PKHD1L1: variants seen among roughly 807,000 people sequenced by gnomAD.
PKHD1L1 encodes fibrocystin-L.
Under a neutral mutation model 462.9 loss-of-function variants are expected in PKHD1L1, and 434 were observed. The ratio of observed to expected loss-of-function variants is 0.94; its 90% CI spans 0.87 to 1.02. The LOEUF (loss-of-function observed/expected upper bound fraction) is 1.02, where lower values mean the gene tolerates loss of function less well. PKHD1L1 is among the 50% of genes least tolerant of loss of function. The pLI is 0.00. For synonymous variants in PKHD1L1, 1,781 were observed against 1,750.0 expected, an observed-to-expected ratio of 1.02 and a Z score of -0.44; for missense variants, 5,202 against 5,096.1, an observed-to-expected ratio of 1.02 and a Z score of -0.63.
intron 11 of PKHD1L1, 65 bp downstream of exon 11, chr8:109,396,202 T>C (rs565089747): frequency 1.7e-5 from 19 of 1,101,992 alleles, no homozygotes; most frequent in East Asian, 2.6e-5. Context: ...TTTAATAATT[T>C]GTAATAATAA....
Position 109,404,987 on chromosome 8 carries a change from GA to G in PKHD1L1, c.1534-4del. On this transcript the variant is annotated splice_region_variant and splice_polypyrimidine_tract_variant and intron_variant, in intron 15 of 77. Transcript: ENST00000378402. ...ATATATTAAAAATGTTTCTTAATTG[GA>G]AAATAGGTTATAACATTGGAAAACT... 6.9e-7 allele frequency: 1 copy of G among 1,452,596 alleles called. No homozygotes were observed. Among genetic ancestry groups the G allele is most frequent in the Non-Finnish European group, 9.2e-7 (1 of 1,090,968 alleles). 90.0% of individuals were successfully genotyped at this position (1,452,596 alleles called of 1,614,324 possible).
At position 109,435,210 on chromosome 8, in the gene PKHD1L1, AT is replaced by A; in HGVS notation, c.3363del (p.Leu1122Ter). 6.2e-7 allele frequency: 1 copy of A among 1,613,580 alleles called. No homozygotes were observed. The highest frequency in any genetic ancestry group is 1.1e-5 in the South Asian group (1 of 91,008). On this transcript the variant is annotated frameshift_variant, in exon 29 of 78. Transcript: ENST00000378402. LOFTEE classifies it high-confidence loss of function. ...ACAAGAAAAAGAGCTCAAGTGCCAGATTCTGAATGGAAGTGCTGGACATGCC... is the reference window on the plus strand; with the variant it reads ...ACAAGAAAAAGAGCTCAAGTGCCAGATCTGAATGGAAGTGCTGGACATGCC... ...SVDEKELKCQ[I>X]LNGSAGHAPV... is the part of the protein sequence containing the mutation.
intron 7 of PKHD1L1, among the ~76,000 whole-genome samples, chr8:109,388,819 G>A (rs1352029343): frequency 6.6e-6 from 1 of 152,010 alleles, no homozygotes; most frequent in Non-Finnish European, 1.5e-5. Context: ...ATTTCATTTG[G>A]CAGTATCTCA....
At chr8:109,387,735 T>C (rs1369223905) in intron 6 of PKHD1L1, among the ~76,000 whole-genome samples, 1 of 152,216 alleles carries the variant, frequency 6.6e-6, no homozygotes, top group Non-Finnish European at 1.5e-5. Context: ...AAAAGTATAT[T>C]AAAAAGTTCA....
Position 109,410,726 on chromosome 8 carries a change from C to CTTTTTTTTTTTTTTTTTTTTT in PKHD1L1, c.2085+749_2085+769dup, listed in dbSNP as rs71303459. 5.7e-4 allele frequency among the ~76,000 whole-genome samples: 39 copies of CTTTTTTTTTTTTTTTTTTTTT among 68,390 alleles called. 7 individuals are homozygous for CTTTTTTTTTTTTTTTTTTTTT. Among genetic ancestry groups the CTTTTTTTTTTTTTTTTTTTTT allele is most frequent in the African/African-American group, 2.6e-3 (32 of 12,266 alleles). The allele number at this position is 68,390 out of a possible 152,430, so 44.9% of individuals were successfully genotyped here. On this transcript the variant is annotated intron_variant, in intron 19 of 77. Transcript: ENST00000378402. ...TTCTTTTTTCTTTTCTTTTCTTTTT[C>CTTTTTTTTTTTTTTTTTTTTT]TTTTTTTTTTTTTTTTTTTTTGAGA...
chr8:109,516,482 C>T (rs188763198), intron 72 of PKHD1L1, among the ~76,000 whole-genome samples: 136 of 152,154 alleles, frequency 8.9e-4, no homozygotes, highest in Non-Finnish European at 2.4e-4. Flanking sequence ...CTCATCTAAA[C>T]CCTATTTCTT....
chr8:109,504,708 A>G (rs34724769), intron 68 of PKHD1L1, among the ~76,000 whole-genome samples: 26 of 152,120 alleles, frequency 1.7e-4, no homozygotes, highest in Non-Finnish European at 2.8e-4. Context: ...GTTTTCTCCC[A>G]TTGCTTTTTT....
Position 109,396,057 on chromosome 8 carries a change from G to T in PKHD1L1, c.842G>T (p.Ser281Ile). The change falls in exon 11 of 78, where the codon AGC becomes ATC. Residue 281 changes from serine to isoleucine, a missense_variant. Ser to Ile is a moderately radical substitution (Grantham distance 142). This residue lies in a region of PKHD1L1 where 4,497 missense variants were observed against 4,336.8 expected (regional missense o/e 1.04). Transcript: ENST00000378402. ...ACCATGATTTTCCCTTCACAAGGAA[G>T]CATTCGAGGTGGCACCACGCTGACA... ...EVTMIFPSQG[S>I]IRGGTTLTIS... The T allele has an allele frequency of 1.9e-6, 3 of 1,605,904 alleles. No homozygotes were observed. The highest frequency in any genetic ancestry group is 2.6e-6 in the Non-Finnish European group (3 of 1,176,354).
intron 30 of PKHD1L1, among the ~76,000 whole-genome samples, chr8:109,437,350 TTTA>T (rs1815480132): frequency 1.3e-5 from 2 of 152,204 alleles, no homozygotes; most frequent in South Asian, 2.1e-4. Context: ...ACAGAGTTTT[TTTA>T]TTATTATGCT....
At chr8:109,492,088 A>G (rs1253712251) in intron 62 of PKHD1L1, 94 bp downstream of exon 62, 2 of 1,025,484 alleles carry the variant, frequency 2.0e-6, no homozygotes, top group East Asian at 3.0e-5. Context: ...GAGTGAATGC[A>G]CTTTTAAAAA....
chr8:109,477,368 A>G lies in PKHD1L1; in HGVS notation c.9061A>G (p.Ile3021Val), dbSNP rs993209666. The change falls in exon 53 of 78, where the codon ATT (isoleucine) becomes GTT (valine). Residue 3021 changes from isoleucine to valine, a missense_variant. By Grantham distance (29) the Ile-to-Val change is conservative. Coordinates refer to ENST00000378402, the MANE Select transcript of PKHD1L1 (RefSeq NM_177531.6). ...FPVHPPSRKP[I>V]PKKRPATYNL... ...TGTACATCCGCCATCAAGAAAACCAATTCCCAAGAAGCGACCAGCCACATA... is the reference window on the plus strand; with the variant it reads ...TGTACATCCGCCATCAAGAAAACCAGTTCCCAAGAAGCGACCAGCCACATA... The G allele has an allele frequency of 9.3e-6, 15 of 1,613,346 alleles. No individual in the cohort carries two copies. The highest frequency in any genetic ancestry group is 1.7e-4 in the Middle Eastern group (1 of 6,052).
Position 109,452,708 on chromosome 8 carries a change from TC to T in PKHD1L1, c.6508-9del. 2.7e-6 allele frequency: 4 copies of T among 1,487,478 alleles called. No homozygotes were observed. The highest frequency in any genetic ancestry group is 3.6e-6 in the Non-Finnish European group (4 of 1,123,762). 92.1% of individuals were successfully genotyped at this position (1,487,478 alleles called of 1,614,324 possible). A position where few individuals can be genotyped will look rare whatever the true frequency, so the allele number is the denominator to read the frequency against. ...CCCTAAATTTTAAGGTCTCTTATGT[TC>T]TATTACAGGATAATGCTGACTTTCT... On this transcript the variant is annotated splice_polypyrimidine_tract_variant and intron_variant, in intron 42 of 77. Coordinates refer to ENST00000378402, the MANE Select transcript of PKHD1L1 (RefSeq NM_177531.6).
At position 109,530,320 on chromosome 8, in the gene PKHD1L1, G is replaced by C. The variant is rs1227823375; in HGVS notation, c.*230G>C. On this transcript the variant is annotated 3_prime_UTR_variant, in exon 78 of 78. Coordinates refer to ENST00000378402, the MANE Select transcript of PKHD1L1 (RefSeq NM_177531.6). ...TTTATTTCATTTCAATAAACTTCCA[G>C]AAATTTGTCATTTGGAAGTAGATAT... 4 of 257,704 alleles carry C rather than the reference G, an allele frequency of 1.6e-5. No individual in the cohort carries two copies. Among genetic ancestry groups the C allele is most frequent in the African/African-American group, 9.1e-5 (4 of 44,046 alleles). The allele number at this position is 257,704 out of a possible 1,614,324, so 16.0% of individuals were successfully genotyped here. A position where few individuals can be genotyped will look rare whatever the true frequency, so the allele number is the denominator to read the frequency against.
At position 109,420,843 on chromosome 8, in the gene PKHD1L1, G is replaced by T. The variant is rs77196986; in HGVS notation, c.2697+153G>T. On this transcript the variant is annotated intron_variant, in intron 23 of 77. Coordinates refer to ENST00000378402, the MANE Select transcript of PKHD1L1 (RefSeq NM_177531.6). ...TTTGGAGTATGAAAATTGACTTTAA[G>T]TATTAAAAAAATTCTTACAGAAATA... Among the ~76,000 whole-genome samples the T allele has an allele frequency of 4.0e-3, 604 of 152,064 alleles. 10 individuals are homozygous for T. Among genetic ancestry groups the T allele is most frequent in the East Asian group, 0.011 (58 of 5,176 alleles).
intron 62 of PKHD1L1, 123 bp downstream of exon 62, chr8:109,492,117 G>A: frequency 2.6e-6 from 2 of 775,994 alleles, no homozygotes; most frequent in Non-Finnish European, 3.5e-6. Flanking sequence ...AAGTTTCGAT[G>A]GCCATTGATT....
At chr8:109,459,459 T>G (rs546547403) in intron 46 of PKHD1L1, 136 bp from the exon 47 acceptor site, 12 of 551,610 alleles carry the variant, frequency 2.2e-5, no homozygotes, top group Non-Finnish European at 1.4e-5. Context: ...TTCTAATTTC[T>G]GTTCAGAATA....
At chr8:109,524,959 T>G (rs962735634) in intron 76 of PKHD1L1, among the ~76,000 whole-genome samples, 5 of 152,098 alleles carry the variant, frequency 3.3e-5, no homozygotes, top group African/African-American at 7.2e-5. Flanking sequence ...TCCCTGGTTA[T>G]GTACAATAAG....
chr8:109,512,012 C>T (rs1021802240), intron 71 of PKHD1L1, among the ~76,000 whole-genome samples: 6 of 152,094 alleles, frequency 3.9e-5, no homozygotes, highest in Non-Finnish European at 8.8e-5. Flanking sequence ...AGTGTCTGTT[C>T]ATGTCCTTTG....
intron 59 of PKHD1L1, 121 bp downstream of exon 59, chr8:109,486,942 A>G: frequency 9.2e-7 from 1 of 1,082,482 alleles, no homozygotes; most frequent in East Asian, 2.6e-5. Flanking sequence ...AAAGCATTAA[A>G]AGTGATTATG....
Sources: allele counts gnomAD v4.1 joint callset (sites outside exome capture counted in the v4.1 genomes callset), GRCh38; gene constraint gnomAD v4.1.1; regional missense constraint gnomAD v4.1.1; transcripts MANE v1.5; gene names NCBI Gene and HGNC (gene_info 2026-07-23, HGNC 2026-07-21).